The following SLC39A12 variants were observed in gnomAD, a reference collection of about 807,000 sequenced individuals.
SLC39A12 encodes solute carrier family 39 member 12.
A neutral mutation model predicts 71.1 loss-of-function variants in SLC39A12; 63 were observed. The ratio of observed to expected loss-of-function variants is 0.89; its 90% CI spans 0.72 to 1.09. SLC39A12 has a LOEUF of 1.09. SLC39A12 is among the 50% of genes least tolerant of loss of function. The pLI is 0.00. For synonymous variants in SLC39A12, 351 were observed against 301.3 expected, an observed-to-expected ratio of 1.16 and a Z score of -1.71; for missense variants, 892 against 812.6, an observed-to-expected ratio of 1.10 and a Z score of -1.19.
chr10:17,988,101 A>T (rs1250616302), intron 7 of SLC39A12, among the ~76,000 whole-genome samples: 1 of 152,194 alleles, frequency 6.6e-6, no homozygotes, highest in Non-Finnish European at 1.5e-5. Flanking sequence ...TGAGATCAGG[A>T]GTTCGAGACC....
At chr10:17,987,416 C>A (rs1835426171) in intron 6 of SLC39A12, 63 bp from the exon 7 acceptor site, 1 of 1,527,740 alleles carries the variant, frequency 6.5e-7, no homozygotes, top group African/African-American at 1.4e-5. Context: ...GGCATTTTCG[C>A]CAGCTGAGGC....
At chr10:17,968,725 A>G (rs949188556) in intron 4 of SLC39A12, among the ~76,000 whole-genome samples, 1 of 152,110 alleles carries the variant, frequency 6.6e-6, no homozygotes, top group Non-Finnish European at 1.5e-5. Flanking sequence ...ACAGGCATGC[A>G]ATGTGTAATA....
chr10:17,991,482 T>C (rs1301416787), intron 8 of SLC39A12, among the ~76,000 whole-genome samples, 179 bp downstream of exon 8: 2 of 152,206 alleles, frequency 1.3e-5, no homozygotes, highest in African/African-American at 4.8e-5. Flanking sequence ...AAAATATCTA[T>C]TCCTGGGCAG....
At chr10:17,968,571 T>C (rs772058175) in intron 4 of SLC39A12, among the ~76,000 whole-genome samples, 11 of 152,082 alleles carry the variant, frequency 7.2e-5, no homozygotes, top group Non-Finnish European at 1.5e-4. Context: ...ATTGTTTATC[T>C]GAGAATGGCT....
At chr10:17,979,926 A>T (rs1196843183) in intron 5 of SLC39A12, among the ~76,000 whole-genome samples, 1 of 152,214 alleles carries the variant, frequency 6.6e-6, no homozygotes. Flanking sequence ...GTTGGGGCTT[A>T]TATGGCTGTG....
At chr10:18,034,037 C>T (rs1468298478) in intron 12 of SLC39A12, among the ~76,000 whole-genome samples, 1 of 148,196 alleles carries the variant, frequency 6.7e-6, no homozygotes, top group Non-Finnish European at 1.5e-5. Flanking sequence ...AATTTCTGTT[C>T]TTTTACATTT....
At chr10:18,031,444 T>A (rs1836845881) in intron 12 of SLC39A12, among the ~76,000 whole-genome samples, 1 of 130,982 alleles carries the variant, frequency 7.6e-6, no homozygotes, top group Admixed American at 7.8e-5. Flanking sequence ...CATAAATGTC[T>A]TCTTTTGAGA....
chr10:18,015,056 G>A (rs1836338627), intron 12 of SLC39A12, among the ~76,000 whole-genome samples: 1 of 152,170 alleles, frequency 6.6e-6, no homozygotes, highest in African/African-American at 2.4e-5. Context: ...GATTTGTAAA[G>A]GCCAAACGGT....
At chr10:18,036,749 TATATATATATATATATA>T (rs1564665778) in intron 12 of SLC39A12, among the ~76,000 whole-genome samples, 2 of 5,690 alleles carry the variant, frequency 3.5e-4, no homozygotes, top group African/African-American at 1.0e-3. Flanking sequence ...TTAAAAATTA[TATATATATATATATATA>T]TATATATATA....
intron 12 of SLC39A12, 151 bp downstream of exon 12, chr10:18,003,509 A>G (rs1589242068): frequency 3.1e-6 from 2 of 647,328 alleles, no homozygotes; most frequent in Non-Finnish European, 4.7e-6. Flanking sequence ...GTACTCCAAG[A>G]AAGTGCATTC....
intron 12 of SLC39A12, among the ~76,000 whole-genome samples, chr10:18,007,507 A>G (rs1002828191): frequency 1.1e-4 from 16 of 152,176 alleles, no homozygotes; most frequent in African/African-American, 3.6e-4. Flanking sequence ...TGCAAGAAAG[A>G]ATTCAGAGAG....
chr10:17,959,070 T>C (rs1273066877), intron 2 of SLC39A12, among the ~76,000 whole-genome samples: 3 of 152,216 alleles, frequency 2.0e-5, no homozygotes, highest in Non-Finnish European at 4.4e-5. Flanking sequence ...TAGTTTAGTT[T>C]CAGGAGGCTA....
chr10:17,984,642 G>C (rs961923968), intron 6 of SLC39A12, among the ~76,000 whole-genome samples: 1 of 152,182 alleles, frequency 6.6e-6, no homozygotes, highest in African/African-American at 2.4e-5. Flanking sequence ...TCTATAACAT[G>C]AGTATTTTTG....
intron 12 of SLC39A12, among the ~76,000 whole-genome samples, chr10:18,011,588 T>C (rs1358577866): frequency 6.6e-6 from 1 of 152,182 alleles, no homozygotes; most frequent in Non-Finnish European, 1.5e-5. Flanking sequence ...GGGATCAGCA[T>C]CCTAACCCCC....
chr10:17,965,515 T>A lies in SLC39A12; in HGVS notation c.576T>A (p.Ser192=). 1 of 1,614,198 alleles carries A rather than the reference T, an allele frequency of 6.2e-7. No individual in the cohort carries two copies. The highest frequency in any genetic ancestry group is 8.5e-7 in the Non-Finnish European group (1 of 1,180,034). The change falls in exon 4 of 13, where the codon TCT becomes TCA. Residue 192 remains serine, a synonymous_variant. Coordinates refer to ENST00000377369, the MANE Select transcript of SLC39A12 (RefSeq NM_001145195.2). ...AAACCAAAACGCTGCAGAAAAAATC[T>A]GGAATAGTGAGCAGTGAAGGTGCTA... is the stretch of plus-strand genomic sequence containing the variant. ...CMETKTLQKK[S]GIVSSEGANE...
At chr10:17,969,115 T>C (rs1834905253) in intron 4 of SLC39A12, among the ~76,000 whole-genome samples, 1 of 152,116 alleles carries the variant, frequency 6.6e-6, no homozygotes, top group South Asian at 2.1e-4. Context: ...TGCAAATGAC[T>C]TGATCTCATT....
chr10:18,036,761 TATATATATATA>T (rs1564665811), intron 12 of SLC39A12, among the ~76,000 whole-genome samples: 14 of 7,256 alleles, frequency 1.9e-3, no homozygotes, highest in African/African-American at 6.6e-3. Flanking sequence ...TATATATATA[TATATATATATA>T]TATATATATA....
chr10:17,982,917 G>A (rs956222499), intron 6 of SLC39A12, among the ~76,000 whole-genome samples: 8 of 152,064 alleles, frequency 5.3e-5, no homozygotes, highest in African/African-American at 1.4e-4. Context: ...GGGGCCAGGC[G>A]CGGTGGCTCA....
chr10:18,012,885 A>AG (rs1836268535), intron 12 of SLC39A12, among the ~76,000 whole-genome samples: 1 of 140,068 alleles, frequency 7.1e-6, no homozygotes, highest in Admixed American at 7.1e-5. Context: ...AAAAAAAAAA[A>AG]GGGCTTAAAT....
Sources: allele counts gnomAD v4.1 joint callset (sites outside exome capture counted in the v4.1 genomes callset), GRCh38; gene constraint gnomAD v4.1.1; transcripts MANE v1.5; gene names NCBI Gene and HGNC (gene_info 2026-07-23, HGNC 2026-07-21).